Variants in AKAP19 observed in about 807,000 individuals in gnomAD.
The protein encoded by AKAP19 is A-kinase anchoring protein 19, also known as small A-kinase anchoring protein.
At chr2:189,919,429 T>C in the AKAP19 span, among the ~76,000 whole-genome samples, 1 of 151,498 alleles carries the variant, frequency 6.6e-6, no homozygotes, top group African/African-American at 2.4e-5. Context: ...TTTTCTTTAT[T>C]CTAAAAAAAA....
the AKAP19 span, among the ~76,000 whole-genome samples, chr2:190,145,017 A>C: frequency 6.6e-6 from 1 of 152,168 alleles, no homozygotes; most frequent in East Asian, 1.9e-4. Context: ...ATGGTGGGTC[A>C]CATCTGCAAT....
chr2:189,905,737 C>G, the AKAP19 span, among the ~76,000 whole-genome samples: 2 of 151,958 alleles, frequency 1.3e-5, no homozygotes, highest in Non-Finnish European at 2.9e-5. Flanking sequence ...CAAAAGAAAG[C>G]TTGGGAATTT....
the AKAP19 span, among the ~76,000 whole-genome samples, chr2:189,966,391 C>A: frequency 1.3e-5 from 2 of 152,092 alleles, no homozygotes; most frequent in Non-Finnish European, 2.9e-5. Flanking sequence ...TTGCAATAAA[C>A]CTTCAATTTG....
At chr2:189,915,464 C>T in the AKAP19 span, among the ~76,000 whole-genome samples, 1 of 151,860 alleles carries the variant, frequency 6.6e-6, no homozygotes, top group Admixed American at 6.6e-5. Context: ...GATGTAACCC[C>T]ATTTTATATA....
the AKAP19 span, among the ~76,000 whole-genome samples, chr2:190,081,510 A>G: frequency 6.6e-6 from 1 of 152,150 alleles, no homozygotes; most frequent in Non-Finnish European, 1.5e-5. Context: ...AGTGAGGCAA[A>G]TATTTAAGCA....
the AKAP19 span, among the ~76,000 whole-genome samples, chr2:190,064,645 G>A: frequency 2.0e-5 from 3 of 152,066 alleles, no homozygotes; most frequent in South Asian, 6.2e-4. Flanking sequence ...ATTGATAACT[G>A]GCATTTGAGT....
the AKAP19 span, among the ~76,000 whole-genome samples, chr2:190,107,767 ATG>A: frequency 1.6e-4 from 24 of 152,256 alleles, no homozygotes; most frequent in Non-Finnish European, 2.4e-4. Flanking sequence ...TAACTAGACA[ATG>A]TGAAGTTATG....
At chr2:190,029,486 C>T in the AKAP19 span, among the ~76,000 whole-genome samples, 2 of 152,066 alleles carry the variant, frequency 1.3e-5, no homozygotes, top group East Asian at 3.8e-4. Context: ...TGATGTAGAT[C>T]TATATTTATT....
the AKAP19 span, among the ~76,000 whole-genome samples, chr2:189,993,628 T>C: frequency 6.6e-6 from 1 of 152,320 alleles, no homozygotes; most frequent in East Asian, 1.9e-4. Flanking sequence ...GTCTGTCTGG[T>C]CCTGGACTAT....
chr2:189,970,208 C>T, the AKAP19 span, among the ~76,000 whole-genome samples: 2 of 152,016 alleles, frequency 1.3e-5, no homozygotes, highest in African/African-American at 4.8e-5. Flanking sequence ...GTATATGTAG[C>T]ATATGTCTAT....
At chr2:190,186,140 T>C in the AKAP19 span, among the ~76,000 whole-genome samples, 1 of 151,994 alleles carries the variant, frequency 6.6e-6, no homozygotes, top group Non-Finnish European at 1.5e-5. The surrounding 1 kb of genome is among the most constrained non-coding windows in gnomAD (Gnocchi z 5.5). Flanking sequence ...TTAGTAGAGA[T>C]GGGGTTTCAC....
At chr2:190,177,975 C>A in the AKAP19 span, among the ~76,000 whole-genome samples, 2 of 152,188 alleles carry the variant, frequency 1.3e-5, no homozygotes, top group South Asian at 4.1e-4. This position sits in a 1 kb window ranked among gnomAD's most constrained non-coding sequence, Gnocchi z 4.6. Flanking sequence ...CGGCCCCTCA[C>A]CCTAACCACA....
chr2:190,051,595 G>A, the AKAP19 span, among the ~76,000 whole-genome samples: 2 of 152,162 alleles, frequency 1.3e-5, no homozygotes, highest in Non-Finnish European at 2.9e-5. Context: ...TTCAGTCACA[G>A]GTATGCACTC....
chr2:190,105,364 T>C, the AKAP19 span, among the ~76,000 whole-genome samples: 2 of 152,224 alleles, frequency 1.3e-5, no homozygotes, highest in Non-Finnish European at 2.9e-5. Flanking sequence ...ACTGGCTGAT[T>C]GATTTATTGA....
chr2:190,129,218 A>T, the AKAP19 span, among the ~76,000 whole-genome samples: 1 of 152,150 alleles, frequency 6.6e-6, no homozygotes, highest in African/African-American at 2.4e-5. Context: ...TTATTTATGG[A>T]TGTCTGGATT....
the AKAP19 span, among the ~76,000 whole-genome samples, chr2:190,029,226 A>G: frequency 3.0e-4 from 45 of 151,886 alleles, no homozygotes; most frequent in African/African-American, 1.0e-3. Flanking sequence ...CTAATTTTGT[A>G]TTTTTAGTAG....
chr2:189,944,719 T>A, the AKAP19 span, among the ~76,000 whole-genome samples: 2 of 152,138 alleles, frequency 1.3e-5, no homozygotes, highest in Non-Finnish European at 2.9e-5. Flanking sequence ...AACATCAAAG[T>A]TAAACTACAC....
the AKAP19 span, among the ~76,000 whole-genome samples, chr2:190,107,724 G>A: frequency 2.6e-5 from 4 of 152,208 alleles, no homozygotes; most frequent in Non-Finnish European, 4.4e-5. Context: ...TGGTCATCCA[G>A]TAACATTTAT....
At chr2:190,069,136 A>ATGTGTGTG in the AKAP19 span, among the ~76,000 whole-genome samples, 381 of 127,712 alleles carry the variant, frequency 3.0e-3, 3 homozygotes, top group African/African-American at 0.01. Context: ...GTGCATGCAT[A>ATGTGTGTG]TGTGTGTGTG....
Sources: gnomAD v4.1 joint callset for allele counts (sites outside exome capture counted in the v4.1 genomes callset) on GRCh38, gnomAD v4.1.1 for gene constraint, Gnocchi (gnomAD v3.1) non-coding constraint, MANE v1.5 for transcripts, NCBI Gene and HGNC (gene_info 2026-07-23, HGNC 2026-07-21) for gene names.